The following SCYL2 variants were observed in gnomAD, a reference collection of about 807,000 sequenced individuals.
SCYL2 encodes the protein SCY1-like protein 2.
A neutral mutation model predicts 100.4 loss-of-function variants in SCYL2; 36 were observed. That is an observed-to-expected ratio of 0.36 (90% CI 0.27 to 0.47). SCYL2 has a LOEUF of 0.47. Ranked by LOEUF, SCYL2 falls within the 20% of genes least tolerant of loss-of-function variation. The pLI, the probability that SCYL2 is intolerant of heterozygous loss-of-function variation, is 1.00. For synonymous variants in SCYL2, 330 were observed against 359.2 expected (o/e 0.92, Z 0.92); for missense variants, 902 against 1,083.9 (o/e 0.83, Z 2.36).
At chr12:100,298,686 C>T (rs957639290) in intron 4 of SCYL2, among the ~76,000 whole-genome samples, 2 of 152,090 alleles carry the variant, frequency 1.3e-5, no homozygotes, top group African/African-American at 2.4e-5. Context: ...CAGGTTCAAG[C>T]GATTCTCCTG....
At chr12:100,277,161 T>C (rs2096293416) in intron 1 of SCYL2, among the ~76,000 whole-genome samples, 1 of 152,194 alleles carries the variant, frequency 6.6e-6, no homozygotes, top group South Asian at 2.1e-4. Context: ...TAGCCCAACA[T>C]ATAGTTCATT....
At chr12:100,290,956 G>T (rs1431814871) in intron 2 of SCYL2, among the ~76,000 whole-genome samples, 1 of 152,154 alleles carries the variant, frequency 6.6e-6, no homozygotes, top group Non-Finnish European at 1.5e-5. Flanking sequence ...AAGAGAGGTG[G>T]TGGGAGAGCA....
At chr12:100,277,538 A>G (rs77493244) in intron 1 of SCYL2, among the ~76,000 whole-genome samples, 3,765 of 152,270 alleles carry the variant, frequency 0.025, 150 homozygotes, top group African/African-American at 0.085. Context: ...TTATTCTGTT[A>G]TTAATATTGC....
intron 17 of SCYL2, 137 bp from the exon 18 acceptor site, chr12:100,338,391 G>A: frequency 1.6e-6 from 1 of 626,336 alleles, no homozygotes; most frequent in Non-Finnish European, 2.6e-6. Context: ...TGACCGGCAG[G>A]CTATAGTTTG....
chr12:100,333,821 A>AT (rs1479435382), intron 13 of SCYL2: 1 of 157,404 alleles, frequency 6.4e-6, no homozygotes, highest in East Asian at 1.8e-4. Context: ...TTAATTTTGA[A>AT]TTATCCCAAG....
chr12:100,297,897 A>G (rs1011589273), intron 3 of SCYL2, 134 bp from the exon 4 acceptor site: 40 of 714,458 alleles, frequency 5.6e-5, no homozygotes, highest in Non-Finnish European at 8.2e-5. Context: ...GATTATGTCT[A>G]TGCTGAAATT....
intron 4 of SCYL2, among the ~76,000 whole-genome samples, chr12:100,307,112 A>C (rs1237286917): frequency 6.6e-6 from 1 of 152,216 alleles, no homozygotes; most frequent in Non-Finnish European, 1.5e-5. Flanking sequence ...TCAAGCTACC[A>C]CTGATTTTCT....
At chr12:100,329,486 C>T (rs948879496) in intron 13 of SCYL2, among the ~76,000 whole-genome samples, 167 bp downstream of exon 13, 2 of 151,732 alleles carry the variant, frequency 1.3e-5, no homozygotes, top group Non-Finnish European at 2.9e-5. Flanking sequence ...TTGTTAAAGA[C>T]GTCATTGGTA....
At chr12:100,291,791 T>G (rs1384525950) in intron 3 of SCYL2, 131 bp downstream of exon 3, 2 of 776,090 alleles carry the variant, frequency 2.6e-6, no homozygotes, top group Non-Finnish European at 4.0e-6. Context: ...TCTTATGCAT[T>G]AGTTTTCTCC....
At chr12:100,312,291 G>T in intron 5 of SCYL2, 141 bp from the exon 6 acceptor site, 1 of 675,940 alleles carries the variant, frequency 1.5e-6, no homozygotes. Context: ...TTACATTTGG[G>T]AATTTGGGAA....
intron 13 of SCYL2, among the ~76,000 whole-genome samples, chr12:100,330,995 A>T (rs1952202969): frequency 6.6e-6 from 1 of 151,018 alleles, no homozygotes; most frequent in Non-Finnish European, 1.5e-5. Flanking sequence ...TGCCTGGCTA[A>T]TTTTTGTAGT....
At chr12:100,329,996 C>T (rs1250164637) in intron 13 of SCYL2, among the ~76,000 whole-genome samples, 2 of 152,242 alleles carry the variant, frequency 1.3e-5, no homozygotes, top group East Asian at 3.9e-4. Context: ...ATTATAGTCC[C>T]TTGTAATCAA....
At chr12:100,334,627 C>T (rs748332701) in intron 14 of SCYL2, among the ~76,000 whole-genome samples, 3 of 151,936 alleles carry the variant, frequency 2.0e-5, no homozygotes, top group Non-Finnish European at 4.4e-5. Flanking sequence ...TTATGAACTT[C>T]TAGTGTTTTG....
Position 100,315,608 on chromosome 12 carries a change from C to A in SCYL2, c.1146C>A (p.Asn382Lys). 6.2e-7 allele frequency: 1 copy of A among 1,610,460 alleles called. No homozygotes were observed. ...CTTGTTTGACTTCAGAATTTGTAAA[C>A]CCTGACATGGTACCTTTTGTTTTGC... ...ILPCLTSEFV[N>K]PDMVPFVLPN... Residue 382 changes from asparagine to lysine, a missense_variant, in exon 9 of 18, where the codon AAC (asparagine) becomes AAA (lysine). Asn to Lys is a moderately conservative substitution (Grantham distance 94, BLOSUM62 0). Coordinates refer to ENST00000360820, the MANE Select transcript of SCYL2 (RefSeq NM_017988.6).
At position 100,298,033 on chromosome 12, in the gene SCYL2, A is replaced by T; in HGVS notation, c.338A>T (p.Asp113Val). Reference sequence around the variant, plus strand: ...TAACTTTTTCTTTTTTAAAACAGGGATTGCTTGGCATTTTGTACAGAACCA... The same window carrying T: ...TAACTTTTTCTTTTTTAAAACAGGGTTTGCTTGGCATTTTGTACAGAACCA... ...TVQHPLEESR[D>V]CLAFCTEPVF... The change falls in exon 4 of 18, where the codon GAT becomes GTT. Residue 113 changes from aspartate (D) to valine (V), a missense_variant and splice_region_variant. Coordinates refer to ENST00000360820, the MANE Select transcript of SCYL2 (RefSeq NM_017988.6). 2 of 1,604,124 alleles carry T rather than the reference A, an allele frequency of 1.2e-6. No individual in the cohort carries two copies. Among genetic ancestry groups the T allele is most frequent in the Non-Finnish European group, 1.7e-6 (2 of 1,177,286 alleles).
intron 2 of SCYL2, among the ~76,000 whole-genome samples, chr12:100,284,703 TC>T (rs1333611720): frequency 2.0e-5 from 3 of 152,146 alleles, no homozygotes; most frequent in African/African-American, 7.2e-5. Flanking sequence ...CCTCAAGTGA[TC>T]CGCCCGTCTC....
At chr12:100,290,211 G>A (rs866386369) in intron 2 of SCYL2, among the ~76,000 whole-genome samples, 1 of 152,126 alleles carries the variant, frequency 6.6e-6, no homozygotes, top group Non-Finnish European at 1.5e-5. Context: ...CAGTTGAAGG[G>A]AAATTGACTC....
In SCYL2 at chr12:100,326,671, A is replaced by C; in HGVS notation, c.1559A>C (p.Asp520Ala). Reference sequence around the variant, plus strand: ...TTAGGAAAGATTTTGGAATACTTGGATAAGTGGTTTGTACTTGATGATATC... The same window carrying C: ...TTAGGAAAGATTTTGGAATACTTGGCTAAGTGGTTTGTACTTGATGATATC... ...VCLGKILEYL[D>A]KWFVLDDILP... The change falls in exon 12 of 18, where the codon GAT (aspartate) becomes GCT (alanine). Residue 520 changes from aspartate to alanine, a missense_variant. Coordinates refer to ENST00000360820, the MANE Select transcript of SCYL2 (RefSeq NM_017988.6). 6.2e-7 allele frequency: 1 copy of C among 1,609,164 alleles called. No homozygotes were observed. Among genetic ancestry groups the C allele is most frequent in the Non-Finnish European group, 8.5e-7 (1 of 1,178,272 alleles).
intron 2 of SCYL2, among the ~76,000 whole-genome samples, chr12:100,284,404 C>CCTTTAATT (rs1460332384): frequency 3.6e-4 from 55 of 152,212 alleles, no homozygotes. Context: ...AGGTGGTACA[C>CCTTTAATT]CAGTGAGCTC....
Sources: allele counts gnomAD v4.1 joint callset (sites outside exome capture counted in the v4.1 genomes callset), GRCh38; gene constraint gnomAD v4.1.1; transcripts MANE v1.5; gene names NCBI Gene and HGNC (gene_info 2026-07-23, HGNC 2026-07-21).